TSPAN9: variants seen among roughly 807,000 people sequenced by gnomAD.
The protein encoded by TSPAN9 is tetraspanin 9.
TSPAN9 carries 16 observed loss-of-function variants against 31.0 expected under a neutral mutation model. The observed-to-expected ratio is 0.52, with a 90% CI of 0.35 to 0.78. The LOEUF (loss-of-function observed/expected upper bound fraction) is 0.78. Ranked by LOEUF, TSPAN9 falls within the 30% of genes least tolerant of loss-of-function variation. The pLI is 0.01. For missense variants in TSPAN9, 272 were observed against 312.5 expected (o/e 0.87, Z 0.98); for synonymous variants, 145 against 121.6 (o/e 1.19, Z -1.27).
chr12:3,221,156 G>C (rs1320823509), intron 3 of TSPAN9, among the ~76,000 whole-genome samples: 2 of 152,016 alleles, frequency 1.3e-5, no homozygotes, highest in African/African-American at 4.8e-5. Context: ...CAGTCCTCTT[G>C]TTGGGACCAC....
intron 1 of TSPAN9, among the ~76,000 whole-genome samples, chr12:3,079,194 G>T (rs1352068400): frequency 6.6e-6 from 1 of 152,198 alleles, no homozygotes; most frequent in Non-Finnish European, 1.5e-5. Flanking sequence ...GACCAGGCTG[G>T]TCTTGAACTC....
chr12:3,240,714 G>A (rs1346479408), intron 3 of TSPAN9, among the ~76,000 whole-genome samples: 1 of 152,286 alleles, frequency 6.6e-6, no homozygotes, highest in African/African-American at 2.4e-5. Flanking sequence ...GCCTGTCTCT[G>A]CTGCACTGTG....
chr12:3,166,653 G>A (rs992027526), intron 2 of TSPAN9, among the ~76,000 whole-genome samples: 4 of 152,232 alleles, frequency 2.6e-5, no homozygotes, highest in African/African-American at 7.2e-5. Context: ...GAACACATCT[G>A]TGGGACCAGC....
At chr12:3,127,556 C>T (rs1487203758) in intron 2 of TSPAN9, among the ~76,000 whole-genome samples, 7 of 151,938 alleles carry the variant, frequency 4.6e-5, no homozygotes, top group Non-Finnish European at 8.8e-5. Context: ...GGGGTTTCAC[C>T]GTGTTAGCCA....
intron 2 of TSPAN9, among the ~76,000 whole-genome samples, chr12:3,101,593 C>T (rs2098311869): frequency 6.6e-6 from 1 of 152,142 alleles, no homozygotes; most frequent in Non-Finnish European, 1.5e-5. Flanking sequence ...GAAACAAGCA[C>T]CCCTTGTTTC....
At chr12:3,245,896 G>A (rs1206022217) in intron 3 of TSPAN9, among the ~76,000 whole-genome samples, 4 of 152,056 alleles carry the variant, frequency 2.6e-5, no homozygotes, top group Admixed American at 2.6e-4. Flanking sequence ...CTGTGGCGCA[G>A]AGAGGAAGGT....
intron 2 of TSPAN9, among the ~76,000 whole-genome samples, chr12:3,091,864 G>T (rs2098304876): frequency 1.3e-5 from 2 of 152,210 alleles, no homozygotes; most frequent in African/African-American, 4.8e-5. Flanking sequence ...TGAAGACTGT[G>T]TTGGAGGAGG....
intron 2 of TSPAN9, chr12:3,151,270 C>G: frequency 6.6e-6 from 1 of 152,380 alleles, no homozygotes; most frequent in Non-Finnish European, 1.5e-5. Flanking sequence ...TAGTTTCTGG[C>G]TGCCAGTTTG....
intron 2 of TSPAN9, among the ~76,000 whole-genome samples, chr12:3,171,071 G>T (rs1044366348): frequency 6.6e-6 from 1 of 152,044 alleles, no homozygotes; most frequent in Non-Finnish European, 1.5e-5. Context: ...CCTCGTGCTT[G>T]GATTATGGGA....
chr12:3,243,783 T>C lies in TSPAN9; in HGVS notation c.64-34638T>C, dbSNP rs187910258. ...ATTTTCTGTCTCCTCTGATATGGGGTGTCAGGCAGGTGGAGAGCCCAGGCC... is the reference window on the plus strand; with the variant it reads ...ATTTTCTGTCTCCTCTGATATGGGGCGTCAGGCAGGTGGAGAGCCCAGGCC... On this transcript the variant is annotated intron_variant, in intron 3 of 8. Coordinates refer to ENST00000011898, the MANE Select transcript of TSPAN9 (RefSeq NM_006675.5). Among the ~76,000 whole-genome samples, 787 of 152,190 alleles carry C rather than the reference T, an allele frequency of 5.2e-3. 8 individuals carry two copies. The highest frequency in any genetic ancestry group is 0.018 in the African/African-American group (739 of 41,536).
intron 2 of TSPAN9, among the ~76,000 whole-genome samples, chr12:3,144,378 G>A (rs1048485743): frequency 6.6e-6 from 1 of 152,204 alleles, no homozygotes; most frequent in Non-Finnish European, 1.5e-5. Flanking sequence ...TGGGGTTACA[G>A]GTGTGAGCCA....
chr12:3,281,790 G>C lies in TSPAN9; in HGVS notation c.621G>C (p.Thr207=), dbSNP rs755556487. 6.2e-7 allele frequency: 1 copy of C among 1,614,192 alleles called. No homozygotes were observed. The highest frequency in any genetic ancestry group is 1.1e-5 in the South Asian group (1 of 91,076). The stretch of plus-strand genomic sequence containing the variant: ...ATGACAATAAGCACGTGCTGGGCAC[G>C]GTGGGGATGTGCATCCTCATCATGC... ...WFDDNKHVLG[T]VGMCILIMQI... The change falls in exon 8 of 9, where the codon ACG becomes ACC. Residue 207 remains threonine, a synonymous_variant. Transcript: ENST00000011898.
intron 2 of TSPAN9, among the ~76,000 whole-genome samples, chr12:3,193,300 G>A (rs2098365430): frequency 1.3e-5 from 2 of 152,192 alleles, no homozygotes; most frequent in African/African-American, 4.8e-5. Context: ...CGATTTCGGG[G>A]ACAGTGGGAG....
At chr12:3,254,706 T>G (rs1194188643) in intron 3 of TSPAN9, among the ~76,000 whole-genome samples, 1 of 152,224 alleles carries the variant, frequency 6.6e-6, no homozygotes, top group Non-Finnish European at 1.5e-5. Context: ...TAAACCCGCT[T>G]AACATATATA....
At chr12:3,204,774 A>T (rs1421569698) in intron 3 of TSPAN9, among the ~76,000 whole-genome samples, 1 of 152,198 alleles carries the variant, frequency 6.6e-6, no homozygotes, top group East Asian at 1.9e-4. Context: ...TTGGGACAAA[A>T]GTTTCCCCAT....
At chr12:3,183,811 C>T (rs1319495023) in intron 2 of TSPAN9, among the ~76,000 whole-genome samples, 5 of 152,170 alleles carry the variant, frequency 3.3e-5, no homozygotes, top group South Asian at 2.1e-4. Flanking sequence ...CCAGTCTACT[C>T]GGTGATTGGC....
chr12:3,135,093 T>C (rs1286976901), intron 2 of TSPAN9, among the ~76,000 whole-genome samples: 1 of 152,102 alleles, frequency 6.6e-6, no homozygotes, highest in Non-Finnish European at 1.5e-5. Context: ...ACACTATTAA[T>C]TGATTGATTG....
intron 3 of TSPAN9, among the ~76,000 whole-genome samples, chr12:3,211,373 T>A (rs1047173639): frequency 2.6e-5 from 4 of 152,216 alleles, no homozygotes; most frequent in Non-Finnish European, 4.4e-5. Flanking sequence ...ACTACAACTT[T>A]ATAATAAGTC....
intron 2 of TSPAN9, among the ~76,000 whole-genome samples, chr12:3,115,395 T>C (rs538496537): frequency 3.1e-4 from 47 of 152,348 alleles, no homozygotes; most frequent in Non-Finnish European, 5.3e-4. Flanking sequence ...GTGAAGTTCA[T>C]GTGCCATGCT....
Sources: allele counts gnomAD v4.1 joint callset (sites outside exome capture counted in the v4.1 genomes callset), GRCh38; gene constraint gnomAD v4.1.1; transcripts MANE v1.5; gene names NCBI Gene and HGNC (gene_info 2026-07-23, HGNC 2026-07-21).